The following TMEM177 variants were observed in gnomAD, a reference collection of about 807,000 sequenced individuals.
The protein encoded by TMEM177 is transmembrane protein 177.
In TMEM177, 4 loss-of-function variants were observed where a neutral mutation model predicts 14.2. The observed-to-expected ratio is 0.28, with a 90% CI of 0.14 to 0.64. The LOEUF is 0.64. Ranked by LOEUF, TMEM177 falls within the 30% of genes least tolerant of loss-of-function variation. The pLI is 0.82. For missense variants in TMEM177, 344 were observed against 405.2 expected (o/e 0.85, Z 1.30); for synonymous variants, 179 against 174.5 (o/e 1.03, Z -0.20).
At chr2:119,690,189 T>A (rs2104858551), downstream of TMEM177, among the ~76,000 whole-genome samples, 1 of 152,302 alleles carries the variant, frequency 6.6e-6, no homozygotes, top group South Asian at 2.1e-4. Context: ...ACTGTCCCCC[T>A]GGTGCTGTCT....
the TMEM177 span, among the ~76,000 whole-genome samples, chr2:119,714,533 G>T: frequency 5.9e-5 from 9 of 152,208 alleles, no homozygotes; most frequent in Non-Finnish European, 1.2e-4. Flanking sequence ...CAAAGCATGG[G>T]TGCCTTCCCC....
At chr2:119,709,256 T>C in the TMEM177 span, among the ~76,000 whole-genome samples, 1 of 152,244 alleles carries the variant, frequency 6.6e-6, no homozygotes, top group African/African-American at 2.4e-5. Flanking sequence ...CTGAGGTCAG[T>C]GCAGTCGTGG....
chr2:119,681,407 T>A lies in TMEM177; in HGVS notation c.554T>A (p.Val185Glu). The A allele has an allele frequency of 2.5e-6, 4 of 1,613,978 alleles. No homozygotes were observed. Among genetic ancestry groups the A allele is most frequent in the Non-Finnish European group, 3.4e-6 (4 of 1,179,928 alleles). Residue 185 changes from valine to glutamate, a missense_variant, in exon 2 of 2, where the codon GTG becomes GAG. Coordinates refer to ENST00000272521, the MANE Select transcript of TMEM177 (RefSeq NM_030577.3). ...ACLAGTWALG[V>E]GAKYTLGLHA... ...CTGGCAGGGACCTGGGCACTGGGCGTGGGTGCCAAGTACACCCTGGGGCTC... is the reference window on the plus strand; with the variant it reads ...CTGGCAGGGACCTGGGCACTGGGCGAGGGTGCCAAGTACACCCTGGGGCTC...
downstream of TMEM177, among the ~76,000 whole-genome samples, chr2:119,682,950 GC>G (rs1688940971): frequency 6.6e-6 from 1 of 152,178 alleles, no homozygotes; most frequent in Non-Finnish European, 1.5e-5. Flanking sequence ...ATGGAGCCGG[GC>G]CCCTGGGTTA....
the TMEM177 span, among the ~76,000 whole-genome samples, chr2:119,691,750 C>A: frequency 6.6e-6 from 1 of 152,186 alleles, no homozygotes; most frequent in Non-Finnish European, 1.5e-5. Context: ...GCACACACTT[C>A]TCTGGGGGCC....
chr2:119,719,586 C>A, the TMEM177 span, among the ~76,000 whole-genome samples: 10 of 152,108 alleles, frequency 6.6e-5, no homozygotes, highest in Non-Finnish European at 1.3e-4. Flanking sequence ...ATGCACAGAA[C>A]AAAACACTCT....
chr2:119,696,572 A>G, the TMEM177 span, among the ~76,000 whole-genome samples: 3 of 152,242 alleles, frequency 2.0e-5, no homozygotes, highest in African/African-American at 7.2e-5. Context: ...GGAATAAGTC[A>G]TTATAGAGCA....
chr2:119,699,972 TA>T, the TMEM177 span: 2 of 373,144 alleles, frequency 5.4e-6, no homozygotes, highest in Non-Finnish European at 1.1e-5. Flanking sequence ...ATAAAGCACG[TA>T]AAATGCCCCT....
chr2:119,706,259 C>T, the TMEM177 span, among the ~76,000 whole-genome samples: 33 of 152,228 alleles, frequency 2.2e-4, no homozygotes, highest in South Asian at 3.9e-3. Flanking sequence ...CTCCTGACCT[C>T]AGGTGATCTG....
chr2:119,706,012 TATATATA>T, the TMEM177 span, among the ~76,000 whole-genome samples: 17 of 144,854 alleles, frequency 1.2e-4, no homozygotes, highest in Admixed American at 2.8e-4. Flanking sequence ...TATTATATAT[TATATATA>T]TTTATATATA....
chr2:119,693,569 C>T, the TMEM177 span, among the ~76,000 whole-genome samples: 1 of 152,156 alleles, frequency 6.6e-6, no homozygotes, highest in Non-Finnish European at 1.5e-5. Context: ...CTGCTGTCTG[C>T]ACAAGCTTCT....
rs1319044767 is a variant in TMEM177 at position 119,681,492 on chromosome 2, T to C, written c.639T>C (p.Phe213=). The C allele has an allele frequency of 6.2e-7, 1 of 1,613,696 alleles. No homozygotes were observed. The highest frequency in any genetic ancestry group is 1.7e-5 in the Admixed American group (1 of 60,028). ...GCTTGGTGGCAGCAGTGGCAGGCTT[T>C]GTGGCCTACGCCTTCTCCCAGGATT... ...AFSLVAAVAG[F]VAYAFSQDSL... Residue 213 remains phenylalanine (F), a synonymous_variant, in exon 2 of 2, where the codon TTT becomes TTC. Coordinates refer to ENST00000272521, the MANE Select transcript of TMEM177 (RefSeq NM_030577.3).
the TMEM177 span, among the ~76,000 whole-genome samples, chr2:119,722,201 A>C: frequency 1.3e-5 from 2 of 152,166 alleles, no homozygotes; most frequent in African/African-American, 2.4e-5. Context: ...GCGACATAGC[A>C]AGACCCCATT....
the TMEM177 span, among the ~76,000 whole-genome samples, chr2:119,712,918 AG>A: frequency 6.6e-6 from 1 of 152,204 alleles, no homozygotes; most frequent in East Asian, 1.9e-4. Flanking sequence ...CTTGTTGAGC[AG>A]GGGGTAAATC....
the TMEM177 span, chr2:119,699,234 G>A: frequency 2.1e-4 from 32 of 154,226 alleles, no homozygotes; most frequent in Non-Finnish European, 3.8e-4. Context: ...GGCAGAAGGC[G>A]AAGGGGAAGC....
At chr2:119,707,428 C>T in the TMEM177 span, among the ~76,000 whole-genome samples, 4 of 152,214 alleles carry the variant, frequency 2.6e-5, no homozygotes, top group Non-Finnish European at 5.9e-5. Flanking sequence ...GCCAAATCTC[C>T]ATGGTTCCTC....
the TMEM177 span, among the ~76,000 whole-genome samples, chr2:119,711,429 G>C: frequency 1.3e-5 from 2 of 152,062 alleles, no homozygotes; most frequent in Non-Finnish European, 2.9e-5. Context: ...ATTTCAGTGC[G>C]GTAATATTCA....
At chr2:119,692,969 C>CAAAA in the TMEM177 span, among the ~76,000 whole-genome samples, 1 of 52,206 alleles carries the variant, frequency 1.9e-5, no homozygotes, top group Non-Finnish European at 3.1e-5. Flanking sequence ...GAGATTGTCT[C>CAAAA]AAAAAAAAAA....
chr2:119,691,779 C>T, the TMEM177 span, among the ~76,000 whole-genome samples: 1 of 152,184 alleles, frequency 6.6e-6, no homozygotes, highest in African/African-American at 2.4e-5. Context: ...GAGGCTGCTG[C>T]GGCAAGGCCT....
Sources: gnomAD v4.1 joint callset for allele counts (sites outside exome capture counted in the v4.1 genomes callset) on GRCh38, gnomAD v4.1.1 for gene constraint, MANE v1.5 for transcripts, NCBI Gene and HGNC (gene_info 2026-07-23, HGNC 2026-07-21) for gene names.